The following NRG3 variants were observed in gnomAD, a reference collection of about 807,000 sequenced individuals.
NRG3 encodes pro-neuregulin-3, membrane-bound isoform.
Under a neutral mutation model 66.9 loss-of-function variants are expected in NRG3, and 31 were observed. The ratio of observed to expected loss-of-function variants is 0.46; its 90% CI spans 0.35 to 0.63. NRG3 has a LOEUF of 0.63. Among genes scored for constraint, NRG3 ranks in the 20% least tolerant of loss-of-function variants. The probability of loss-of-function intolerance (pLI) is 0.00; values close to 1 mark genes in which losing one functional copy is unlikely to be tolerated. For missense variants in NRG3, 910 were observed against 878.9 expected (o/e 1.04, Z -0.45); for synonymous variants, 393 against 359.4 (o/e 1.09, Z -1.06).
At chr10:81,979,002 A>T (rs1211006459) in intron 1 of NRG3, among the ~76,000 whole-genome samples, 1 of 152,084 alleles carries the variant, frequency 6.6e-6, no homozygotes, top group Non-Finnish European at 1.5e-5. Flanking sequence ...CATCCTGGCC[A>T]ACATGATGAA....
chr10:81,911,667 A>G (rs1055984495), intron 1 of NRG3, among the ~76,000 whole-genome samples: 16 of 121,222 alleles, frequency 1.3e-4, no homozygotes, highest in South Asian at 5.1e-4. Context: ...CCTTCACTGC[A>G]TGTATTTTAC....
intron 2 of NRG3, among the ~76,000 whole-genome samples, chr10:82,732,911 G>A (rs149428207): frequency 6.6e-4 from 100 of 152,282 alleles, no homozygotes; most frequent in African/African-American, 2.3e-3. Flanking sequence ...TATCTGGAGG[G>A]TTTGTTCCTT....
At chr10:82,921,512 T>A (rs1846419592) in intron 4 of NRG3, among the ~76,000 whole-genome samples, 1 of 152,194 alleles carries the variant, frequency 6.6e-6, no homozygotes. Flanking sequence ...ATGTAAGATG[T>A]TGATAGGTGA....
At chr10:82,140,411 T>C (rs1384633041) in intron 1 of NRG3, among the ~76,000 whole-genome samples, 3 of 152,246 alleles carry the variant, frequency 2.0e-5, no homozygotes. Context: ...CAGAAATAGT[T>C]TGCTCTTTAC....
intron 6 of NRG3, among the ~76,000 whole-genome samples, chr10:82,973,232 C>A (rs1488048359): frequency 6.6e-6 from 1 of 152,076 alleles, no homozygotes; most frequent in Non-Finnish European, 1.5e-5. Context: ...AAGGAGAAAC[C>A]AAGAGTTCTG....
chr10:82,516,554 A>G (rs1350945235), intron 2 of NRG3, among the ~76,000 whole-genome samples: 1 of 152,210 alleles, frequency 6.6e-6, no homozygotes, highest in African/African-American at 2.4e-5. Flanking sequence ...AGGAAAATGT[A>G]AATCCTCAAT....
chr10:82,470,155 G>A (rs570168158), intron 2 of NRG3, among the ~76,000 whole-genome samples: 1 of 152,292 alleles, frequency 6.6e-6, no homozygotes, highest in South Asian at 2.1e-4. Context: ...TGTAAAAGAA[G>A]GGCTTTGGGT....
intron 1 of NRG3, among the ~76,000 whole-genome samples, chr10:82,261,288 G>A (rs1298096033): frequency 8.5e-5 from 13 of 152,124 alleles, no homozygotes; most frequent in Non-Finnish European, 1.5e-5. Context: ...TCACTCTCCT[G>A]TCTCCTGCCA....
chr10:81,951,274 G>C (rs1465806216), intron 1 of NRG3, among the ~76,000 whole-genome samples: 1 of 152,166 alleles, frequency 6.6e-6, no homozygotes, highest in Non-Finnish European at 1.5e-5. Context: ...AGCTTCAACA[G>C]TTGAACAGCT....
At chr10:82,978,032 T>G (rs1396839097) in intron 7 of NRG3, among the ~76,000 whole-genome samples, 1 of 152,202 alleles carries the variant, frequency 6.6e-6, no homozygotes, top group African/African-American at 2.4e-5. Context: ...TCTCAGTTCC[T>G]TTATTATTTG....
chr10:82,751,030 G>T (rs551820756), intron 3 of NRG3, among the ~76,000 whole-genome samples: 4 of 152,178 alleles, frequency 2.6e-5, no homozygotes, highest in Non-Finnish European at 4.4e-5. Context: ...TACATGATAC[G>T]CACTTGACAA....
At chr10:82,171,631 T>C (rs2072616502) in intron 1 of NRG3, among the ~76,000 whole-genome samples, 2 of 152,130 alleles carry the variant, frequency 1.3e-5, no homozygotes, top group Non-Finnish European at 2.9e-5. Context: ...TTCTTCCATG[T>C]AGGAGTAGTT....
At chr10:82,885,704 G>A (rs1401345412) in intron 4 of NRG3, among the ~76,000 whole-genome samples, 1 of 152,118 alleles carries the variant, frequency 6.6e-6, no homozygotes, top group African/African-American at 2.4e-5. Flanking sequence ...CCATCTTTGG[G>A]GGAAAGTTTA....
At chr10:81,928,716 T>C (rs967011136) in intron 1 of NRG3, among the ~76,000 whole-genome samples, 12 of 152,220 alleles carry the variant, frequency 7.9e-5, no homozygotes, top group African/African-American at 2.9e-4. Context: ...GTGTCATGTA[T>C]AATCATAATA....
chr10:82,499,598 A>G (rs1843959888), intron 2 of NRG3, among the ~76,000 whole-genome samples: 1 of 152,128 alleles, frequency 6.6e-6, no homozygotes, highest in African/African-American at 2.4e-5. Context: ...ATGGTCTCAA[A>G]TGGTCTCTAA....
intron 2 of NRG3, among the ~76,000 whole-genome samples, chr10:82,691,456 A>C (rs1433021804): frequency 6.6e-6 from 1 of 152,110 alleles, no homozygotes; most frequent in African/African-American, 2.4e-5. Flanking sequence ...GATGCATTCC[A>C]GATCCAAATC....
chr10:82,821,067 G>C (rs1195887982), intron 3 of NRG3, among the ~76,000 whole-genome samples: 1 of 152,126 alleles, frequency 6.6e-6, no homozygotes, highest in Non-Finnish European at 1.5e-5. Flanking sequence ...ATTCAAGCAA[G>C]GTATTTACTT....
At chr10:82,033,340 T>C (rs1255580060) in intron 1 of NRG3, among the ~76,000 whole-genome samples, 1 of 152,164 alleles carries the variant, frequency 6.6e-6, no homozygotes, top group Non-Finnish European at 1.5e-5. Context: ...CAGTACATTG[T>C]TCCCTCTTTA....
At chr10:82,398,077 A>G (rs1322158079) in intron 2 of NRG3, among the ~76,000 whole-genome samples, 1 of 152,168 alleles carries the variant, frequency 6.6e-6, no homozygotes, top group East Asian at 1.9e-4. Context: ...CATCTAATCT[A>G]TGCAACAGTC....
Sources: allele counts gnomAD v4.1 joint callset (sites outside exome capture counted in the v4.1 genomes callset), GRCh38; gene constraint gnomAD v4.1.1; transcripts MANE v1.5; gene names NCBI Gene and HGNC (gene_info 2026-07-23, HGNC 2026-07-21).